The following KCNA2 variants were observed in gnomAD, a reference collection of about 807,000 sequenced individuals.
KCNA2 encodes potassium voltage-gated channel subfamily A member 2.
In KCNA2, 11 loss-of-function variants were observed where a neutral mutation model predicts 33.4. The ratio of observed to expected loss-of-function variants is 0.33; its 90% confidence interval spans 0.21 to 0.55. The LOEUF is 0.55. Among genes scored for constraint, KCNA2 ranks in the 20% least tolerant of loss-of-function variants. The pLI is 0.93. For missense variants in KCNA2, 291 were observed against 621.6 expected (o/e 0.47, Z 5.66); for synonymous variants, 222 against 231.3 (o/e 0.96, Z 0.37).
intron 1 of KCNA2, among the ~76,000 whole-genome samples, chr1:110,618,184 A>G (rs747208781): frequency 1.3e-5 from 2 of 152,194 alleles, no homozygotes; most frequent in Non-Finnish European, 2.9e-5. Context: ...TCTACAAAAA[A>G]TAATTTAAAA....
Position 110,595,566 on chromosome 1 carries a change from G to C in KCNA2, c.*7717C>G. On this transcript the variant is annotated 3_prime_UTR_variant, in exon 3 of 3. Transcript: ENST00000316361. ...GGTAGAAAGCAACAGTCAAATGCAA[G>C]AGGTGAGGCTGAGAGAAACTGTCTT... is the stretch of plus-strand genomic sequence containing the variant. The C allele has an allele frequency of 1.0e-6, 1 of 985,480 alleles. No individual in the cohort carries two copies. Among genetic ancestry groups the C allele is most frequent in the Non-Finnish European group, 1.2e-6 (1 of 829,984 alleles). 61.0% of individuals were successfully genotyped at this position (985,480 alleles called of 1,614,324 possible).
Position 110,604,988 on chromosome 1 carries a change from T to C in KCNA2, c.-163-43A>G, listed in dbSNP as rs913776637. On this transcript the variant is annotated intron_variant, in intron 2 of 2. Transcript: ENST00000316361. This position sits in a 1 kb window ranked among gnomAD's most constrained non-coding sequence, Gnocchi z 7.6. ...TTATTGACATGAGGCTACTCAGCAT[T>C]GGCAGCCTGACCTGGGTTGCCACTT... 1 of 560,232 alleles carries C rather than the reference T, an allele frequency of 1.8e-6. No homozygotes were observed. The highest frequency in any genetic ancestry group is 1.9e-5 in the African/African-American group (1 of 52,734). 34.7% of individuals were successfully genotyped at this position (560,232 alleles called of 1,614,324 possible).
intron 1 of KCNA2, among the ~76,000 whole-genome samples, chr1:110,629,058 C>A (rs960027324): frequency 2.0e-5 from 3 of 152,102 alleles, no homozygotes; most frequent in African/African-American, 2.4e-5. Context: ...AGGCTAGATC[C>A]CTGAGGATCT....
chr1:110,601,969 G>T lies in KCNA2; in HGVS notation c.*1314C>A. 6.6e-7 allele frequency: 1 copy of T among 1,523,896 alleles called. No individual in the cohort carries two copies. The allele number at this position is 1,523,896 out of a possible 1,614,324, so 94.4% of individuals were successfully genotyped here. ...CAATTTCTTTTCTATCACTAGCTAGGTAGAGGAACGCGTGAAAGAGAGATA... is the reference window on the plus strand; with the variant it reads ...CAATTTCTTTTCTATCACTAGCTAGTTAGAGGAACGCGTGAAAGAGAGATA... On this transcript the variant is annotated 3_prime_UTR_variant, in exon 3 of 3. Transcript: ENST00000316361.
Position 110,602,560 on chromosome 1 carries a change from G to C in KCNA2, c.*723C>G, listed in dbSNP as rs908237505. The C allele has an allele frequency of 1.8e-5, 19 of 1,042,396 alleles. No individual in the cohort carries two copies. In the African/African-American group the frequency reaches 3.1e-4, roughly 17 times the overall value. The allele number at this position is 1,042,396 out of a possible 1,614,324, so 64.6% of individuals were successfully genotyped here. On this transcript the variant is annotated 3_prime_UTR_variant, in exon 3 of 3. Transcript: ENST00000316361. Reference sequence around the variant, plus strand: ...AAAATGGTGAAATCAGAGGCTTAGAGGTCTGTTGGTTTGTTAGCTTCTCCC... The same window carrying C: ...AAAATGGTGAAATCAGAGGCTTAGACGTCTGTTGGTTTGTTAGCTTCTCCC...
chr1:110,628,477 A>C (rs927219112), intron 1 of KCNA2, among the ~76,000 whole-genome samples: 2 of 152,216 alleles, frequency 1.3e-5, no homozygotes, highest in African/African-American at 4.8e-5. Context: ...CAGTACTCAC[A>C]CAAAGCTATT....
In KCNA2 at chr1:110,599,598, G is replaced by T. The variant is rs916956241; in HGVS notation, c.*3685C>A. On this transcript the variant is annotated 3_prime_UTR_variant, in exon 3 of 3. Transcript: ENST00000316361. The stretch of plus-strand genomic sequence containing the variant: ...AAAGGTGGCTCATTTTAAGAGACAG[G>T]TCTCTATAGGGTCTCAACTTCCTGA... The T allele has an allele frequency of 1.0e-6, 1 of 985,310 alleles. No individual in the cohort carries two copies. Among genetic ancestry groups the T allele is most frequent in the African/African-American group, 1.7e-5 (1 of 57,228 alleles). 61.0% of individuals were successfully genotyped at this position (985,310 alleles called of 1,614,324 possible).
In KCNA2 at chr1:110,598,175, G is replaced by A. The variant is rs936286201; in HGVS notation, c.*5108C>T. The A allele has an allele frequency of 3.1e-6, 2 of 638,060 alleles. No individual in the cohort carries two copies. Among genetic ancestry groups the A allele is most frequent in the African/African-American group, 4.0e-5 (2 of 50,358 alleles). The allele number at this position is 638,060 out of a possible 1,614,324, so 39.5% of individuals were successfully genotyped here. ...AGGGGAACCTCCATTGTGCAACCAA[G>A]GAGCACCATGGATATTATAGCCCTC... On this transcript the variant is annotated 3_prime_UTR_variant, in exon 3 of 3. Transcript: ENST00000316361.
Position 110,597,668 on chromosome 1 carries a change from C to A in KCNA2, c.*5615G>T. ...AACACGTGGGAAGAAGAAGAAACTACAGAGACTGTGAATGAGCCCCCAGAA... is the reference window on the plus strand; with the variant it reads ...AACACGTGGGAAGAAGAAGAAACTAAAGAGACTGTGAATGAGCCCCCAGAA... On this transcript the variant is annotated 3_prime_UTR_variant, in exon 3 of 3. Transcript: ENST00000316361. The A allele has an allele frequency of 1.0e-6, 1 of 985,444 alleles. No individual in the cohort carries two copies. The highest frequency in any genetic ancestry group is 1.2e-6 in the Non-Finnish European group (1 of 829,950). The allele number at this position is 985,444 out of a possible 1,614,324, so 61.0% of individuals were successfully genotyped here.
At position 110,594,849 on chromosome 1, in the gene KCNA2, C is replaced by T; in HGVS notation, c.*8434G>A. On this transcript the variant is annotated 3_prime_UTR_variant, in exon 3 of 3. Transcript: ENST00000316361. ...TGTGCTCCTTTCCAGCCCCACCTGG[C>T]AGGTCAAAGTCCTTGCCCTACACTT... 2.0e-6 allele frequency: 2 copies of T among 985,302 alleles called. No individual in the cohort carries two copies. The highest frequency in any genetic ancestry group is 2.4e-6 in the Non-Finnish European group (2 of 829,902). The allele number at this position is 985,302 out of a possible 1,614,324, so 61.0% of individuals were successfully genotyped here.
At chr1:110,613,210 A>T (rs1649935044) in intron 1 of KCNA2, among the ~76,000 whole-genome samples, 4 of 152,052 alleles carry the variant, frequency 2.6e-5, no homozygotes, top group African/African-American at 9.7e-5. Context: ...AACTTATGTC[A>T]CATCCTCCAC....
intron 1 of KCNA2, among the ~76,000 whole-genome samples, chr1:110,624,117 A>T (rs1650329770): frequency 6.6e-6 from 1 of 152,232 alleles, no homozygotes. Flanking sequence ...GCATATACCT[A>T]CTATATTAGC....
In KCNA2 at chr1:110,594,212, G is replaced by A; in HGVS notation, c.*9071C>T. The A allele has an allele frequency of 8.7e-7, 1 of 1,147,084 alleles. No homozygotes were observed. Among genetic ancestry groups the A allele is most frequent in the African/African-American group, 1.6e-5 (1 of 61,612 alleles). The allele number at this position is 1,147,084 out of a possible 1,614,324, so 71.1% of individuals were successfully genotyped here. The stretch of plus-strand genomic sequence containing the variant: ...CTGAAGATTCATGCACAAGCAGCAA[G>A]GAAGCCAGTGCAAACCCTAACTGGA... On this transcript the variant is annotated 3_prime_UTR_variant, in exon 3 of 3. Coordinates refer to ENST00000316361, the MANE Select transcript of KCNA2 (RefSeq NM_004974.4).
chr1:110,599,106 A>G lies in KCNA2; in HGVS notation c.*4177T>C. ...TCTGTAGAGACTGGGAGCTGCGACC[A>G]TCACTGGAAGGGAGAGTGAGACACA... On this transcript the variant is annotated 3_prime_UTR_variant, in exon 3 of 3. Coordinates refer to ENST00000316361, the MANE Select transcript of KCNA2 (RefSeq NM_004974.4). 1.0e-6 allele frequency: 1 copy of G among 985,472 alleles called. No homozygotes were observed. The highest frequency in any genetic ancestry group is 1.2e-6 in the Non-Finnish European group (1 of 829,948). The allele number at this position is 985,472 out of a possible 1,614,324, so 61.0% of individuals were successfully genotyped here.
At position 110,598,191 on chromosome 1, in the gene KCNA2, T is replaced by C. The variant is rs1570747421; in HGVS notation, c.*5092A>G. The C allele has an allele frequency of 3.5e-6, 2 of 578,474 alleles. No individual in the cohort carries two copies. The highest frequency in any genetic ancestry group is 7.6e-5 in the South Asian group (1 of 13,180). The allele number at this position is 578,474 out of a possible 1,614,324, so 35.8% of individuals were successfully genotyped here. ...TGCAACCAAGGAGCACCATGGATATTATAGCCCTCGCAGATGAGGCGGCCA... is the reference window on the plus strand; with the variant it reads ...TGCAACCAAGGAGCACCATGGATATCATAGCCCTCGCAGATGAGGCGGCCA... On this transcript the variant is annotated 3_prime_UTR_variant, in exon 3 of 3. Coordinates refer to ENST00000316361, the MANE Select transcript of KCNA2 (RefSeq NM_004974.4).
chr1:110,597,415 C>T lies in KCNA2; in HGVS notation c.*5868G>A, dbSNP rs79290778. 7,259 of 985,382 alleles carry T rather than the reference C, an allele frequency of 7.4e-3. 33 individuals are homozygous for T. The highest frequency in any genetic ancestry group is 8.3e-3 in the Non-Finnish European group (6,879 of 829,934). The allele number at this position is 985,382 out of a possible 1,614,324, so 61.0% of individuals were successfully genotyped here. ...AAATGGGCTGAAAAGGTCACACAAA[C>T]TTAGGATTTTCATGCCTAGAGGTTG... On this transcript the variant is annotated 3_prime_UTR_variant, in exon 3 of 3. Coordinates refer to ENST00000316361, the MANE Select transcript of KCNA2 (RefSeq NM_004974.4).
rs1649237503 is a variant in KCNA2, at chr1:110,599,329, A to T, written c.*3954T>A. 1 of 984,334 alleles carries T rather than the reference A, an allele frequency of 1.0e-6. No homozygotes were observed. Among genetic ancestry groups the T allele is most frequent in the Non-Finnish European group, 1.2e-6 (1 of 829,022 alleles). 61.0% of individuals were successfully genotyped at this position (984,334 alleles called of 1,614,324 possible). A position where few individuals can be genotyped will look rare whatever the true frequency, so the allele number is the denominator to read the frequency against. On this transcript the variant is annotated 3_prime_UTR_variant, in exon 3 of 3. Coordinates refer to ENST00000316361, the MANE Select transcript of KCNA2 (RefSeq NM_004974.4). ...GAAAGTATTTAAATATGGCCTTAGAATATAGGATAAAGTCAGGCCCTCTAA... is the reference window on the plus strand; with the variant it reads ...GAAAGTATTTAAATATGGCCTTAGATTATAGGATAAAGTCAGGCCCTCTAA...
intron 1 of KCNA2, among the ~76,000 whole-genome samples, chr1:110,616,306 A>C (rs1419839257): frequency 6.7e-6 from 1 of 150,214 alleles, no homozygotes; most frequent in Non-Finnish European, 1.5e-5. Context: ...CACCCCCACC[A>C]CCCAGGTTCA....
Position 110,599,927 on chromosome 1 carries a change from G to A in KCNA2, c.*3356C>T. On this transcript the variant is annotated 3_prime_UTR_variant, in exon 3 of 3. Coordinates refer to ENST00000316361, the MANE Select transcript of KCNA2 (RefSeq NM_004974.4). The stretch of plus-strand genomic sequence containing the variant: ...CCTGCACCCAGGTTTCTGGTGGGAG[G>A]AAGGTGAATTGGTAGAGACCCCATG... 2 of 985,356 alleles carry A rather than the reference G, an allele frequency of 2.0e-6. No individual in the cohort carries two copies. Among genetic ancestry groups the A allele is most frequent in the Non-Finnish European group, 1.2e-6 (1 of 829,916 alleles). The allele number at this position is 985,356 out of a possible 1,614,324, so 61.0% of individuals were successfully genotyped here.
Sources: allele counts gnomAD v4.1 joint callset (sites outside exome capture counted in the v4.1 genomes callset), GRCh38; gene constraint gnomAD v4.1.1; non-coding constraint Gnocchi (gnomAD v3.1); transcripts MANE v1.5; gene names NCBI Gene and HGNC (gene_info 2026-07-23, HGNC 2026-07-21).